Variants in STC1 observed in about 807,000 individuals in gnomAD.
STC1 encodes stanniocalcin-1.
STC1 carries 7 observed loss-of-function variants against 22.6 expected under a neutral mutation model. That is an observed-to-expected ratio of 0.31 (90% CI 0.18 to 0.58). The LOEUF (loss-of-function observed/expected upper bound fraction) is 0.58, where lower values mean the gene tolerates loss of function less well. Ranked by LOEUF, STC1 falls within the 20% of genes least tolerant of loss-of-function variation. The probability of loss-of-function intolerance (pLI) is 0.89; values close to 1 mark genes in which losing one functional copy is unlikely to be tolerated. For missense variants in STC1, 224 were observed against 311.0 expected (o/e 0.72, Z 2.10); for synonymous variants, 113 against 120.7 (o/e 0.94, Z 0.42).
In STC1 at chr8:23,854,787, A is replaced by C; in HGVS notation, c.-264T>G. ...TGCTGCTGCAGTCGCTGCTTCTTGC[A>C]CCTCTGGCTTTTGCAAACTGGGGGC... On this transcript the variant is annotated 5_prime_UTR_variant, in exon 1 of 4. Transcript: ENST00000290271. 1.8e-6 allele frequency: 1 copy of C among 552,772 alleles called. No individual in the cohort carries two copies. Among genetic ancestry groups the C allele is most frequent in the South Asian group, 1.7e-5 (1 of 58,774 alleles). 34.2% of individuals were successfully genotyped at this position (552,772 alleles called of 1,614,324 possible).
chr8:23,845,291 A>T (rs1212322649), intron 3 of STC1, among the ~76,000 whole-genome samples: 1 of 152,150 alleles, frequency 6.6e-6, no homozygotes, highest in Non-Finnish European at 1.5e-5. Flanking sequence ...GGAGATTTAG[A>T]TCACACTTTG....
At position 23,844,504 on chromosome 8, in the gene STC1, C is replaced by T; in HGVS notation, c.*266G>A. 2 of 482,538 alleles carry T rather than the reference C, an allele frequency of 4.1e-6. No homozygotes were observed. The highest frequency in any genetic ancestry group is 5.2e-5 in the South Asian group (2 of 38,692). The allele number at this position is 482,538 out of a possible 1,614,324, so 29.9% of individuals were successfully genotyped here. A position where few individuals can be genotyped will look rare whatever the true frequency, so the allele number is the denominator to read the frequency against. ...TGGTCTCAGGGGAGCAGGGGAAAAA[C>T]ATGGCAGAGGAAGTTGGTAAAAGAG... is the stretch of plus-strand genomic sequence containing the variant. On this transcript the variant is annotated 3_prime_UTR_variant, in exon 4 of 4. Coordinates refer to ENST00000290271, the MANE Select transcript of STC1 (RefSeq NM_003155.3).
chr8:23,846,920 T>G (rs962323900), intron 3 of STC1, among the ~76,000 whole-genome samples: 12 of 152,210 alleles, frequency 7.9e-5, no homozygotes, highest in Non-Finnish European at 1.6e-4. Context: ...CACACCCATA[T>G]AGATCTCCAG....
chr8:23,850,934 T>TA (rs954041735), intron 3 of STC1, among the ~76,000 whole-genome samples: 6 of 149,904 alleles, frequency 4.0e-5, no homozygotes, highest in Admixed American at 1.3e-4. Flanking sequence ...TTTTTTTTTT[T>TA]AATCATGGCC....
Position 23,853,965 on chromosome 8 carries a change from T to C in STC1, c.118+441A>G, listed in dbSNP as rs1007946627. 2.0e-5 allele frequency: 19 copies of C among 929,706 alleles called. No homozygotes were observed. The African/African-American group carries it at 3.4e-4, about 16-fold the overall frequency. The allele number at this position is 929,706 out of a possible 1,614,324, so 57.6% of individuals were successfully genotyped here. A position where few individuals can be genotyped will look rare whatever the true frequency, so the allele number is the denominator to read the frequency against. On this transcript the variant is annotated intron_variant, in intron 1 of 3. Coordinates refer to ENST00000290271, the MANE Select transcript of STC1 (RefSeq NM_003155.3). ...GAGGGAGCTTTTCTGTGTATTCTCT[T>C]AGGTAGAGAAGTCAAGAAGTGAAGA...
rs1163392099 is a variant in STC1 at position 23,842,824 on chromosome 8, C to CT, written c.*1945dup. 6.5e-6 allele frequency: 1 copy of CT among 154,106 alleles called. No individual in the cohort carries two copies. The highest frequency in any genetic ancestry group is 2.4e-5 in the African/African-American group (1 of 41,462). 9.5% of individuals were successfully genotyped at this position (154,106 alleles called of 1,614,324 possible). A position where few individuals can be genotyped will look rare whatever the true frequency, so the allele number is the denominator to read the frequency against. ...CCCTTAACAATCTGATGTCAGCACG[C>CT]TTAGAGGCTGTGTGGGGACAAAGGC... On this transcript the variant is annotated 3_prime_UTR_variant, in exon 4 of 4. Coordinates refer to ENST00000290271, the MANE Select transcript of STC1 (RefSeq NM_003155.3).
intron 1 of STC1, among the ~76,000 whole-genome samples, chr8:23,852,757 G>A (rs1381357752): frequency 1.3e-5 from 2 of 152,174 alleles, no homozygotes; most frequent in Admixed American, 1.3e-4. Context: ...TGGGAAGGAA[G>A]GAGACAGTGG....
rs776940874 is a variant in STC1, at chr8:23,844,748, G to A, written c.*22C>T. The A allele has an allele frequency of 4.3e-6, 7 of 1,609,568 alleles. No individual in the cohort carries two copies. The highest frequency in any genetic ancestry group is 6.0e-6 in the Non-Finnish European group (7 of 1,176,252). On this transcript the variant is annotated 3_prime_UTR_variant, in exon 4 of 4. Transcript: ENST00000290271. ...CCTAAAATGATACTAGTTTGGTGAG[G>A]TTGTGAATAACCTCTCCCTGGTTAT...
chr8:23,848,327 T>C (rs1802596393), intron 3 of STC1, among the ~76,000 whole-genome samples: 1 of 151,014 alleles, frequency 6.6e-6, no homozygotes, highest in Non-Finnish European at 1.5e-5. Flanking sequence ...AGGTCAGGAG[T>C]TCAAGACCAG....
At position 23,854,491 on chromosome 8, in the gene STC1, C is replaced by T. The variant is rs868282289; in HGVS notation, c.33G>A (p.Leu11=). MLQNSAVLLV[L]VISASATHEA... ...CATGGGTTGCAGAAGCACTGATCAC[C>T]AGCACCAGAAGCACTGCTGAGTTTT... Residue 11 remains leucine, a synonymous_variant, in exon 1 of 4, where the codon CTG becomes CTA. Coordinates refer to ENST00000290271, the MANE Select transcript of STC1 (RefSeq NM_003155.3). The T allele has an allele frequency of 6.2e-7, 1 of 1,613,920 alleles. No individual in the cohort carries two copies. Among genetic ancestry groups the T allele is most frequent in the Non-Finnish European group, 8.5e-7 (1 of 1,180,012 alleles).
chr8:23,846,927 C>T (rs972735173), intron 3 of STC1, among the ~76,000 whole-genome samples: 1 of 152,166 alleles, frequency 6.6e-6, no homozygotes, highest in African/African-American at 2.4e-5. Context: ...ATATAGATCT[C>T]CAGGCATCAC....
At position 23,843,212 on chromosome 8, in the gene STC1, T is replaced by C. The variant is rs1375690895; in HGVS notation, c.*1558A>G. The C allele has an allele frequency of 2.6e-5, 4 of 152,598 alleles. No individual in the cohort carries two copies. Among genetic ancestry groups the C allele is most frequent in the African/African-American group, 9.7e-5 (4 of 41,426 alleles). The allele number at this position is 152,598 out of a possible 1,614,324, so 9.5% of individuals were successfully genotyped here. A position where few individuals can be genotyped will look rare whatever the true frequency, so the allele number is the denominator to read the frequency against. ...CTGAGAAACTACTGTTGTTCATAGA[T>C]AGGTTAGTCGTTTGACTTTGGTGGT... On this transcript the variant is annotated 3_prime_UTR_variant, in exon 4 of 4. Coordinates refer to ENST00000290271, the MANE Select transcript of STC1 (RefSeq NM_003155.3).
chr8:23,842,436 C>T lies in STC1; in HGVS notation c.*2334G>A, dbSNP rs1802521741. The T allele has an allele frequency of 8.2e-6, 1 of 122,010 alleles. No individual in the cohort carries two copies. The highest frequency in any genetic ancestry group is 3.3e-5 in the African/African-American group (1 of 30,716). The allele number at this position is 122,010 out of a possible 1,614,324, so 7.6% of individuals were successfully genotyped here. ...GTATTGTAGATACATATATAGATAT[C>T]ATCGTGGGGAGAAAAGGGGGGGTAC... On this transcript the variant is annotated 3_prime_UTR_variant, in exon 4 of 4. Transcript: ENST00000290271.
chr8:23,848,647 C>G (rs962540305), intron 3 of STC1, among the ~76,000 whole-genome samples: 1 of 151,052 alleles, frequency 6.6e-6, no homozygotes, highest in East Asian at 1.9e-4. Flanking sequence ...TCACCCAGCC[C>G]GAAAGGACCT....
intron 1 of STC1, among the ~76,000 whole-genome samples, chr8:23,853,274 A>G (rs1393354151): frequency 6.6e-6 from 1 of 152,244 alleles, no homozygotes. Context: ...TGAGATCAAA[A>G]GCATGGTTCA....
Position 23,854,324 on chromosome 8 carries a change from C to T in STC1, c.118+82G>A, listed in dbSNP as rs568376747. On this transcript the variant is annotated intron_variant, in intron 1 of 3. Transcript: ENST00000290271. ...AAGCACATTTATTATCAAGATCAGCCGTCACAGACACAGTTGCAAAAGGGA... is the reference window on the plus strand; with the variant it reads ...AAGCACATTTATTATCAAGATCAGCTGTCACAGACACAGTTGCAAAAGGGA... 50 of 1,253,520 alleles carry T rather than the reference C, an allele frequency of 4.0e-5. No homozygotes were observed. The South Asian group carries it at 5.6e-4, about 14-fold the overall frequency. The allele number at this position is 1,253,520 out of a possible 1,614,324, so 77.6% of individuals were successfully genotyped here.
intron 3 of STC1, 61 bp from the exon 4 acceptor site, chr8:23,845,101 C>T (rs1351667602): frequency 6.4e-7 from 1 of 1,569,304 alleles, no homozygotes; most frequent in Non-Finnish European, 8.7e-7. Context: ...GAGACCCAGG[C>T]TTTCACCCGG....
Position 23,854,729 on chromosome 8 carries a change from T to TGCTGCTGCTGCTGCCAGCGCC in STC1, c.-207_-206insGGCGCTGGCAGCAGCAGCAGC. 3.5e-6 allele frequency: 2 copies of TGCTGCTGCTGCTGCCAGCGCC among 572,104 alleles called. No individual in the cohort carries two copies. The highest frequency in any genetic ancestry group is 6.5e-6 in the Non-Finnish European group (2 of 305,482). The allele number at this position is 572,104 out of a possible 1,614,324, so 35.4% of individuals were successfully genotyped here. ...CCGCTGCTGCTGCTGCTGCCGCCGCTGCTGCTGCTGCTGCCACCGCCGCTG... is the reference window on the plus strand; with the variant it reads ...CCGCTGCTGCTGCTGCTGCCGCCGCTGCTGCTGCTGCTGCCAGCGCCGCTGCTGCTGCTGCCACCGCCGCTG... On this transcript the variant is annotated 5_prime_UTR_variant, in exon 1 of 4. Transcript: ENST00000290271.
In STC1 at chr8:23,844,637, A is replaced by G. The variant is rs1802549277; in HGVS notation, c.*133T>C. 2 of 1,072,352 alleles carry G rather than the reference A, an allele frequency of 1.9e-6. No homozygotes were observed. Among genetic ancestry groups the G allele is most frequent in the Non-Finnish European group, 2.6e-6 (2 of 763,604 alleles). The allele number at this position is 1,072,352 out of a possible 1,614,324, so 66.4% of individuals were successfully genotyped here. A position where few individuals can be genotyped will look rare whatever the true frequency, so the allele number is the denominator to read the frequency against. On this transcript the variant is annotated 3_prime_UTR_variant, in exon 4 of 4. Coordinates refer to ENST00000290271, the MANE Select transcript of STC1 (RefSeq NM_003155.3). ...GATTACAGAAGCCTAGTTTCATGCA[A>G]TTTTCTTTAAGGGGGATAGAAAATA...
Sources: gnomAD v4.1 joint callset for allele counts (sites outside exome capture counted in the v4.1 genomes callset) on GRCh38, gnomAD v4.1.1 for gene constraint, MANE v1.5 for transcripts, NCBI Gene and HGNC (gene_info 2026-07-23, HGNC 2026-07-21) for gene names.